Variants in DUSP4 observed in about 807,000 individuals in gnomAD.
The protein encoded by DUSP4 is dual specificity protein phosphatase 4.
A neutral mutation model predicts 27.2 loss-of-function variants in DUSP4; 12 were observed. The observed-to-expected ratio is 0.44, with a 90% CI of 0.28 to 0.71. The LOEUF (loss-of-function observed/expected upper bound fraction) is 0.71, where lower values mean the gene tolerates loss of function less well. Among genes scored for constraint, DUSP4 ranks in the 30% least tolerant of loss-of-function variants. The pLI, the probability that DUSP4 is intolerant of heterozygous loss-of-function variation, is 0.14. For missense variants in DUSP4, 448 were observed against 551.3 expected (o/e 0.81, Z 1.88); for synonymous variants, 257 against 245.2 (o/e 1.05, Z -0.45).
intron 2 of DUSP4, 29 bp downstream of exon 2, chr8:29,340,069 C>A (rs779134178): frequency 9.0e-6 from 14 of 1,550,324 alleles, no homozygotes; most frequent in Middle Eastern, 2.1e-4. Flanking sequence ...TCCTGCCCCC[C>A]ACTTCCAAGC....
chr8:29,348,576 C>G (rs1352579883), intron 1 of DUSP4: 1 of 985,430 alleles, frequency 1.0e-6, no homozygotes, highest in Non-Finnish European at 1.2e-6. Context: ...GAAACAACTG[C>G]GGGGAACAAA....
intron 1 of DUSP4, 109 bp from the exon 2 acceptor site, chr8:29,340,352 G>A: frequency 7.1e-7 from 1 of 1,404,302 alleles, no homozygotes; most frequent in South Asian, 1.5e-5. Context: ...GCAGGGGCTG[G>A]CGTGCTCCAT....
Position 29,338,487 on chromosome 8 carries a change from C to T in DUSP4, c.594G>A (p.Glu198=). Residue 198 remains glutamate, a synonymous_variant, in exon 3 of 4, where the codon GAG becomes GAA. Transcript: ENST00000240100. ...TGCCGAGGTAGAGGAAGGGAAGGAT[C>T]TCCACAGGACCCCCCTGCACAGAAA... is the stretch of plus-strand genomic sequence containing the variant. ...TPLHDQGGPV[E]ILPFLYLGSA... 1 of 1,613,322 alleles carries T rather than the reference C, an allele frequency of 6.2e-7. No homozygotes were observed. Among genetic ancestry groups the T allele is most frequent in the African/African-American group, 1.3e-5 (1 of 75,034 alleles).
chr8:29,344,598 G>A lies in DUSP4; in HGVS notation c.434-4355C>T, dbSNP rs191777997. ...ACTCCATCTACAGTTCAACTCCACT[G>A]TGCCTCCTCCTTCTCACATCCTCAT... On this transcript the variant is annotated intron_variant, in intron 1 of 3. Coordinates refer to ENST00000240100, the MANE Select transcript of DUSP4 (RefSeq NM_001394.7). Among the ~76,000 whole-genome samples the A allele has an allele frequency of 2.5e-3, 373 of 152,242 alleles. 9 individuals carry two copies. Among genetic ancestry groups the A allele is most frequent in the Non-Finnish European group, 8.2e-4 (56 of 68,022 alleles).
chr8:29,348,599 C>T (rs1422064963), intron 1 of DUSP4: 2 of 985,452 alleles, frequency 2.0e-6, no homozygotes, highest in Non-Finnish European at 2.4e-6. Flanking sequence ...CCCCCGCTGT[C>T]CGGCAGGGGC....
In DUSP4 at chr8:29,337,554, T is replaced by C; in HGVS notation, c.800-143A>G. 1.7e-6 allele frequency: 2 copies of C among 1,167,698 alleles called. No individual in the cohort carries two copies. Among genetic ancestry groups the C allele is most frequent in the Non-Finnish European group, 2.3e-6 (2 of 851,300 alleles). The allele number at this position is 1,167,698 out of a possible 1,614,324, so 72.3% of individuals were successfully genotyped here. A position where few individuals can be genotyped will look rare whatever the true frequency, so the allele number is the denominator to read the frequency against. ...AAGGACTGGAGAGGAAGAAAACCCATGTAGGCAGGTCTCTAGAATGCCCCC... is the reference window on the plus strand; with the variant it reads ...AAGGACTGGAGAGGAAGAAAACCCACGTAGGCAGGTCTCTAGAATGCCCCC... On this transcript the variant is annotated intron_variant, in intron 3 of 3. Transcript: ENST00000240100. This position sits in a 1 kb window ranked among gnomAD's most constrained non-coding sequence, Gnocchi z 6.4.
intron 1 of DUSP4, chr8:29,347,760 C>T (rs1360528737): frequency 2.0e-6 from 2 of 985,522 alleles, no homozygotes; most frequent in Middle Eastern, 5.2e-4. Context: ...GGCCAGGCAC[C>T]TCGCCACCCA....
At chr8:29,348,754 C>T in intron 1 of DUSP4, 1 of 985,552 alleles carries the variant, frequency 1.0e-6, no homozygotes. Context: ...GGCGAAGGCG[C>T]CTGCGGGGGG....
intron 1 of DUSP4, chr8:29,348,120 C>T: frequency 1.0e-6 from 1 of 985,576 alleles, no homozygotes; most frequent in Non-Finnish European, 1.2e-6. Context: ...GGAACCCAGT[C>T]CCAGCCCTGC....
rs2117279763 is a variant in DUSP4 at position 29,349,889 on chromosome 8, C to A, written c.390G>T (p.Ala130=). The change falls in exon 1 of 4, where the codon GCG becomes GCT. Residue 130 remains alanine, a synonymous_variant. Coordinates refer to ENST00000240100, the MANE Select transcript of DUSP4 (RefSeq NM_001394.7). ...CGGTGCGCTCGGCGTTGCGGCGCAGCGCCTGCACCACCAGCGACACGGTGC... is the reference window on the plus strand; with the variant it reads ...CGGTGCGCTCGGCGTTGCGGCGCAGAGCCTGCACCACCAGCGACACGGTGC... ...EDSTVSLVVQ[A]LRRNAERTDI... is the part of the protein sequence containing the mutation. 1 of 1,537,770 alleles carries A rather than the reference C, an allele frequency of 6.5e-7. No homozygotes were observed. Among genetic ancestry groups the A allele is most frequent in the Non-Finnish European group, 8.7e-7 (1 of 1,147,168 alleles).
rs1369854933 is a variant in DUSP4 at position 29,336,386 on chromosome 8, G to A, written c.*640C>T. On this transcript the variant is annotated 3_prime_UTR_variant, in exon 4 of 4. Transcript: ENST00000240100. Reference sequence around the variant, plus strand: ...TGACATCTGCATGCTACGGTGCTCAGCTGTTTGACATCAACATAAATATAT... The same window carrying A: ...TGACATCTGCATGCTACGGTGCTCAACTGTTTGACATCAACATAAATATAT... 1 of 152,184 alleles carries A rather than the reference G, an allele frequency of 6.6e-6. No homozygotes were observed. Among genetic ancestry groups the A allele is most frequent in the East Asian group, 1.9e-4 (1 of 5,202 alleles). The allele number at this position is 152,184 out of a possible 1,614,324, so 9.4% of individuals were successfully genotyped here.
chr8:29,348,591 C>T lies in DUSP4; in HGVS notation c.433+1255G>A, dbSNP rs1156659392. ...GAAACAACTGCGGGGAACAAAGCCC[C>T]CCGCTGTCCGGCAGGGGCGAACCCG... On this transcript the variant is annotated intron_variant, in intron 1 of 3. Coordinates refer to ENST00000240100, the MANE Select transcript of DUSP4 (RefSeq NM_001394.7). 5.1e-6 allele frequency: 5 copies of T among 985,432 alleles called. No homozygotes were observed. The African/African-American group carries it at 5.2e-5, about 10-fold the overall frequency. The allele number at this position is 985,432 out of a possible 1,614,324, so 61.0% of individuals were successfully genotyped here.
chr8:29,349,298 T>C (rs952497705), intron 1 of DUSP4, among the ~76,000 whole-genome samples: 3 of 151,634 alleles, frequency 2.0e-5, no homozygotes, highest in African/African-American at 7.3e-5. Context: ...GGAACGCAGA[T>C]ACAGATCGCT....
chr8:29,349,796 G>A (rs1817794491), intron 1 of DUSP4, 50 bp downstream of exon 1: 1 of 1,444,990 alleles, frequency 6.9e-7, no homozygotes, highest in Admixed American at 2.6e-5. Context: ...AGGCCGCCAA[G>A]ACCCCCTCCA....
intron 1 of DUSP4, chr8:29,347,906 G>C: frequency 1.0e-6 from 1 of 985,480 alleles, no homozygotes; most frequent in Non-Finnish European, 1.2e-6. Context: ...CGGGATTCAC[G>C]AGGGACAGGG....
At chr8:29,338,624 T>C (rs1817613490) in intron 2 of DUSP4, 123 bp from the exon 3 acceptor site, 5 of 1,126,504 alleles carry the variant, frequency 4.4e-6, no homozygotes, top group Non-Finnish European at 6.3e-6. Context: ...CTGCTGGGCC[T>C]GGCCCTCCCA....
At chr8:29,343,919 T>C (rs1015046902) in intron 1 of DUSP4, among the ~76,000 whole-genome samples, 1 of 152,150 alleles carries the variant, frequency 6.6e-6, no homozygotes, top group African/African-American at 2.4e-5. Flanking sequence ...CATCCCCAAA[T>C]CCATGCAAGT....
In DUSP4 at chr8:29,340,248, A is replaced by G. The variant is rs556909949; in HGVS notation, c.434-5T>C. The stretch of plus-strand genomic sequence containing the variant: ...AGGAAAACCTCTCATAGCCGCCTGT[A>G]AAGGAGAAAGAAGCTCAGGTTAATG... On this transcript the variant is annotated splice_region_variant and splice_polypyrimidine_tract_variant and intron_variant, in intron 1 of 3. Coordinates refer to ENST00000240100, the MANE Select transcript of DUSP4 (RefSeq NM_001394.7). The G allele has an allele frequency of 1.4e-5, 22 of 1,605,904 alleles. No homozygotes were observed. In the African/African-American group the frequency reaches 2.1e-4, roughly 16 times the overall value.
intron 1 of DUSP4, among the ~76,000 whole-genome samples, chr8:29,349,596 G>A (rs575504651): frequency 3.9e-5 from 6 of 152,344 alleles, no homozygotes; most frequent in Admixed American, 2.6e-4. Flanking sequence ...TCAATAAACG[G>A]GGCCTCGCTA....
Sources: allele counts gnomAD v4.1 joint callset (sites outside exome capture counted in the v4.1 genomes callset), GRCh38; gene constraint gnomAD v4.1.1; non-coding constraint Gnocchi (gnomAD v3.1); transcripts MANE v1.5; gene names NCBI Gene and HGNC (gene_info 2026-07-23, HGNC 2026-07-21).